The following PSME3 variants were observed in gnomAD, a reference collection of about 807,000 sequenced individuals.
PSME3 encodes proteasome activator complex subunit 3.
Under a neutral mutation model 38.3 loss-of-function variants are expected in PSME3, and 7 were observed. The ratio of observed to expected loss-of-function variants is 0.18; its 90% CI spans 0.10 to 0.34. The LOEUF is 0.34. Among genes scored for constraint, PSME3 ranks in the 10% least tolerant of loss-of-function variants. PSME3 has a pLI of 1.00. For synonymous variants in PSME3, 108 were observed against 105.7 expected (o/e 1.02, Z -0.13); for missense variants, 192 against 307.6 (o/e 0.62, Z 2.81).
chr17:42,835,463 C>T (rs113488636), intron 4 of PSME3, among the ~76,000 whole-genome samples: 2,840 of 152,230 alleles, frequency 0.019, 83 homozygotes, highest in African/African-American at 0.063. Context: ...CCTTGGCTCA[C>T]GCCTGTAATC....
At chr17:42,836,252 G>A (rs545116212) in intron 4 of PSME3, among the ~76,000 whole-genome samples, 2 of 151,990 alleles carry the variant, frequency 1.3e-5, no homozygotes, top group South Asian at 2.1e-4. Flanking sequence ...TGATCCGCCC[G>A]CCTCAGCCTC....
chr17:42,836,768 C>T (rs1365421038), intron 4 of PSME3, among the ~76,000 whole-genome samples: 1 of 152,056 alleles, frequency 6.6e-6, no homozygotes, highest in East Asian at 1.9e-4. Flanking sequence ...CCCTATGTTG[C>T]CCAGGCTGGT....
rs750211779 is a variant in PSME3 at position 42,833,621 on chromosome 17, C to T, written c.-11C>T. On this transcript the variant is annotated 5_prime_UTR_variant, in exon 1 of 11. Coordinates refer to ENST00000590720, the MANE Select transcript of PSME3 (RefSeq NM_005789.4). The stretch of plus-strand genomic sequence containing the variant: ...CGGTGTCCAGAGGATCGGACACGGC[C>T]CGGCCCGGCCATGGCCTCGTTGCTG... The T allele has an allele frequency of 5.6e-6, 9 of 1,614,110 alleles. No individual in the cohort carries two copies. Among genetic ancestry groups the T allele is most frequent in the African/African-American group, 1.3e-5 (1 of 74,956 alleles).
intron 6 of PSME3, 112 bp from the exon 7 acceptor site, chr17:42,838,619 G>C: frequency 9.5e-7 from 1 of 1,052,790 alleles, no homozygotes; most frequent in Non-Finnish European, 1.4e-6. Flanking sequence ...TGCCTGGCCA[G>C]ACTAGGTATT....
intron 10 of PSME3, among the ~76,000 whole-genome samples, chr17:42,841,132 C>CAAAAAA (rs35142424): frequency 1.6e-5 from 1 of 63,790 alleles, no homozygotes. Context: ...GACCGTGTCT[C>CAAAAAA]AAAAAAAAAA....
At chr17:42,836,514 T>C (rs967147173) in intron 4 of PSME3, among the ~76,000 whole-genome samples, 1 of 152,242 alleles carries the variant, frequency 6.6e-6, no homozygotes, top group African/African-American at 2.4e-5. Flanking sequence ...CTGGAAAGAT[T>C]GGTCTTCCCA....
chr17:42,843,638 C>T lies in PSME3; in HGVS notation c.*2060C>T, dbSNP rs1360120148. ...TCATTTTCTTTACCTTATACTAATT[C>T]TTCCTGAATAATGTCTTCAGTTTCT... On this transcript the variant is annotated 3_prime_UTR_variant, in exon 11 of 11. Transcript: ENST00000590720. 1 of 152,334 alleles carries T rather than the reference C, an allele frequency of 6.6e-6. No individual in the cohort carries two copies. Among genetic ancestry groups the T allele is most frequent in the Non-Finnish European group, 1.5e-5 (1 of 68,034 alleles). 9.4% of individuals were successfully genotyped at this position (152,334 alleles called of 1,614,324 possible).
chr17:42,842,566 A>T lies in PSME3; in HGVS notation c.*988A>T, dbSNP rs1277150105. The stretch of plus-strand genomic sequence containing the variant: ...AGGTTTCTGCAAGTGTGAGGTCCAG[A>T]TGCTGCTGCTCATGTTGGGCTTTCC... On this transcript the variant is annotated 3_prime_UTR_variant, in exon 11 of 11. Transcript: ENST00000590720. The T allele has an allele frequency of 6.5e-6, 1 of 152,880 alleles. No individual in the cohort carries two copies. The highest frequency in any genetic ancestry group is 2.4e-5 in the African/African-American group (1 of 41,444). The allele number at this position is 152,880 out of a possible 1,614,324, so 9.5% of individuals were successfully genotyped here. A position where few individuals can be genotyped will look rare whatever the true frequency, so the allele number is the denominator to read the frequency against.
chr17:42,841,094 T>TTGCACTCCAGCC (rs1384772045), intron 10 of PSME3, among the ~76,000 whole-genome samples: 1 of 148,446 alleles, frequency 6.7e-6, no homozygotes, highest in East Asian at 2.0e-4. Flanking sequence ...GATCGCGCCA[T>TTGCACTCCAGCC]TGCACTCCAG....
At chr17:42,838,915 T>C (rs773285422) in intron 7 of PSME3, 30 bp from the exon 8 acceptor site, 1 of 1,613,788 alleles carries the variant, frequency 6.2e-7, no homozygotes, top group South Asian at 1.1e-5. Flanking sequence ...GGAAGTGGCT[T>C]TTGATGCACC....
rs958044384 is a variant in PSME3, at chr17:42,835,025, CTTTT to C, written c.243+150_243+153del. On this transcript the variant is annotated intron_variant, in intron 4 of 10. Transcript: ENST00000590720. ...CAGACATGATGACTCTAGTATAGTT[CTTTT>C]ATTTCTTATTTATTTATTTATTTTT... The C allele has an allele frequency of 7.3e-6, 8 of 1,098,858 alleles. No individual in the cohort carries two copies. In the African/African-American group the frequency reaches 1.3e-4, roughly 18 times the overall value. 68.1% of individuals were successfully genotyped at this position (1,098,858 alleles called of 1,614,324 possible).
At chr17:42,838,588 G>A in intron 6 of PSME3, 143 bp from the exon 7 acceptor site, 1 of 831,082 alleles carries the variant, frequency 1.2e-6, no homozygotes, top group South Asian at 1.7e-5. Context: ...AAATTGCTGG[G>A]ATTACCGGCA....
At position 42,841,542 on chromosome 17, in the gene PSME3, A is replaced by T; in HGVS notation, c.729A>T (p.Lys243Asn). ...TCCTGAAAAATATCGAGAAGATCAA[A>T]CGGCCCCGGAGCAGCAATGCAGAGA... ...DMILKNIEKI[K>N]RPRSSNAETL... Residue 243 changes from lysine (K) to asparagine (N), a missense_variant, in exon 11 of 11, where the codon AAA becomes AAT. Around this residue, in one of 2 missense-constraint regions of PSME3, gnomAD observed 82 missense variants for 168.2 expected, o/e 0.49. Transcript: ENST00000590720. The T allele has an allele frequency of 6.2e-7, 1 of 1,610,332 alleles. No individual in the cohort carries two copies. The highest frequency in any genetic ancestry group is 8.5e-7 in the Non-Finnish European group (1 of 1,178,006).
intron 10 of PSME3, among the ~76,000 whole-genome samples, chr17:42,841,186 G>GTTC (rs2055528634): frequency 6.6e-6 from 1 of 150,660 alleles, no homozygotes; most frequent in Non-Finnish European, 1.5e-5. Flanking sequence ...TTGTCCATAG[G>GTTC]TTCTTAGAAA....
In PSME3 at chr17:42,833,470, C is replaced by T; in HGVS notation, c.-162C>T. The T allele has an allele frequency of 2.5e-6, 2 of 787,304 alleles. No individual in the cohort carries two copies. Among genetic ancestry groups the T allele is most frequent in the East Asian group, 2.8e-5 (1 of 36,080 alleles). 48.8% of individuals were successfully genotyped at this position (787,304 alleles called of 1,614,324 possible). ...AAGCAGGCAGCAGGCTGCCGGCGGGCGGGCGGACGGCACAGAGGGAGGGAG... is the reference window on the plus strand; with the variant it reads ...AAGCAGGCAGCAGGCTGCCGGCGGGTGGGCGGACGGCACAGAGGGAGGGAG... On this transcript the variant is annotated 5_prime_UTR_variant, in exon 1 of 11. Coordinates refer to ENST00000590720, the MANE Select transcript of PSME3 (RefSeq NM_005789.4).
intron 4 of PSME3, among the ~76,000 whole-genome samples, chr17:42,835,449 G>A (rs978470761): frequency 1.3e-5 from 2 of 152,164 alleles, no homozygotes; most frequent in African/African-American, 4.8e-5. Flanking sequence ...GCTTAGGCCA[G>A]GCACCTTGGC....
intron 10 of PSME3, among the ~76,000 whole-genome samples, chr17:42,841,057 T>A (rs2055526122): frequency 6.9e-6 from 1 of 144,388 alleles, no homozygotes; most frequent in South Asian, 2.2e-4. Flanking sequence ...GGCATGAACC[T>A]GGGAGGCGGA....
At chr17:42,840,722 A>G (rs2055521384) in intron 10 of PSME3, among the ~76,000 whole-genome samples, 2 of 152,238 alleles carry the variant, frequency 1.3e-5, no homozygotes, top group South Asian at 4.1e-4. Context: ...TGTTAAGTGC[A>G]CAATACATGT....
At chr17:42,837,725 C>T in intron 5 of PSME3, 28 bp downstream of exon 5, 1 of 1,608,608 alleles carries the variant, frequency 6.2e-7, no homozygotes, top group Non-Finnish European at 8.5e-7. Context: ...CTCACCTCCC[C>T]TCACCCCATC....
Sources: gnomAD v4.1 joint callset for allele counts (sites outside exome capture counted in the v4.1 genomes callset) on GRCh38, gnomAD v4.1.1 for gene constraint, gnomAD v4.1.1 regional missense constraint, MANE v1.5 for transcripts, NCBI Gene and HGNC (gene_info 2026-07-23, HGNC 2026-07-21) for gene names.